Variants in LINGO2 observed in about 807,000 individuals in gnomAD.
LINGO2 encodes leucine rich repeat and Ig domain containing 2, also known as leucine-rich repeat and immunoglobulin-like domain-containing nogo receptor-interacting protein 2.
In LINGO2, 14 loss-of-function variants were observed where a neutral mutation model predicts 30.6. That is an observed-to-expected ratio of 0.46 (90% CI 0.30 to 0.72). The LOEUF is 0.72. LINGO2 is among the 30% of genes least tolerant of loss of function. The probability of loss-of-function intolerance (pLI) is 0.07; values close to 1 mark genes in which losing one functional copy is unlikely to be tolerated. For missense variants in LINGO2, 729 were observed against 751.7 expected (o/e 0.97, Z 0.35); for synonymous variants, 317 against 288.5 (o/e 1.10, Z -1.00).
the LINGO2 span, chr9:27,941,757 G>A: frequency 2.0e-5 from 3 of 152,110 alleles, no homozygotes; most frequent in Non-Finnish European, 2.9e-5. Context: ...CCCAAGAGGA[G>A]TTTAAAAATT....
chr9:27,949,748 C>A (rs145609921), exon 6 of LINGO2: 1 of 1,614,036 alleles, frequency 6.2e-7, no homozygotes, highest in Non-Finnish European at 8.5e-7. Context: ...TGGTGCGAAG[C>A]TGGGCCCCCA....
the LINGO2 span, among the ~76,000 whole-genome samples, chr9:28,972,879 G>A: frequency 6.6e-6 from 1 of 152,122 alleles, no homozygotes; most frequent in African/African-American, 2.4e-5. Context: ...GGAAAAACCT[G>A]CCCCTGTGAT....
chr9:28,136,333 A>C (rs1827516443), intron 4 of LINGO2, among the ~76,000 whole-genome samples: 1 of 152,222 alleles, frequency 6.6e-6, no homozygotes, highest in African/African-American at 2.4e-5. Flanking sequence ...TGCAGCTCTC[A>C]GCAGCTCTAC....
At chr9:28,642,069 G>A (rs544972195) in intron 1 of LINGO2, among the ~76,000 whole-genome samples, 1 of 150,794 alleles carries the variant, frequency 6.6e-6, no homozygotes, top group African/African-American at 2.4e-5. Flanking sequence ...ATATATGTGT[G>A]TGTGTGTGTG....
the LINGO2 span, among the ~76,000 whole-genome samples, chr9:28,932,338 A>G: frequency 6.6e-6 from 1 of 151,860 alleles, no homozygotes; most frequent in African/African-American, 2.4e-5. Context: ...ACCTTCCTTT[A>G]TAATAACTGG....
intron 1 of LINGO2, among the ~76,000 whole-genome samples, chr9:28,565,643 C>CT (rs201917092): frequency 0.048 from 7,247 of 151,754 alleles, 203 homozygotes; most frequent in African/African-American, 0.076. Context: ...GCTCTGCCTT[C>CT]CGGGTTCATG....
At chr9:29,058,263 A>C in the LINGO2 span, among the ~76,000 whole-genome samples, 1 of 152,124 alleles carries the variant, frequency 6.6e-6, no homozygotes, top group South Asian at 2.1e-4. Context: ...GAAAAATGTA[A>C]AAAATTGAAT....
the LINGO2 span, among the ~76,000 whole-genome samples, chr9:28,987,191 G>C: frequency 6.6e-6 from 1 of 150,942 alleles, no homozygotes; most frequent in East Asian, 1.9e-4. Context: ...TTCTGTGATG[G>C]GAGACTTTGT....
chr9:28,877,553 G>C, the LINGO2 span, among the ~76,000 whole-genome samples: 1 of 151,946 alleles, frequency 6.6e-6, no homozygotes, highest in Non-Finnish European at 1.5e-5. Context: ...TCAAAGATCA[G>C]ATAGTTGTAG....
the LINGO2 span, among the ~76,000 whole-genome samples, chr9:29,079,175 G>A: frequency 2.0e-5 from 3 of 151,814 alleles, no homozygotes; most frequent in Admixed American, 6.6e-5. Flanking sequence ...GATGTGCTCT[G>A]TGGATGAGCT....
intron 4 of LINGO2, among the ~76,000 whole-genome samples, chr9:28,240,238 A>G (rs1002593325): frequency 1.3e-5 from 2 of 152,284 alleles, no homozygotes; most frequent in African/African-American, 4.8e-5. Context: ...AATCCCTATA[A>G]AAATACCAAT....
intron 4 of LINGO2, among the ~76,000 whole-genome samples, chr9:28,243,169 C>A (rs538734817): frequency 2.0e-5 from 3 of 151,980 alleles, no homozygotes; most frequent in Non-Finnish European, 4.4e-5. Flanking sequence ...TTAAAAGACA[C>A]GGACTAGGCT....
At chr9:28,899,693 C>T in the LINGO2 span, among the ~76,000 whole-genome samples, 3 of 152,196 alleles carry the variant, frequency 2.0e-5, no homozygotes, top group Non-Finnish European at 4.4e-5. Context: ...TAGATCAGCC[C>T]AGAGCCAGTC....
At chr9:28,365,765 CTTTTT>C (rs34259621) in intron 3 of LINGO2, among the ~76,000 whole-genome samples, 25 of 133,062 alleles carry the variant, frequency 1.9e-4, no homozygotes, top group African/African-American at 4.6e-4. Flanking sequence ...TTTGGATCCT[CTTTTT>C]TTTTTTTTTT....
chr9:28,000,592 T>A (rs764899102), intron 5 of LINGO2, among the ~76,000 whole-genome samples: 4 of 152,194 alleles, frequency 2.6e-5, no homozygotes, highest in Non-Finnish European at 5.9e-5. Context: ...AATCTCTGCA[T>A]TCCTGACACC....
intron 5 of LINGO2, among the ~76,000 whole-genome samples, chr9:27,966,205 G>A (rs1587559644): frequency 1.3e-5 from 2 of 151,992 alleles, no homozygotes; most frequent in African/African-American, 4.8e-5. Flanking sequence ...GGAGGCAATG[G>A]ATTAATCTAT....
At chr9:28,590,691 C>T (rs1030845589) in intron 1 of LINGO2, among the ~76,000 whole-genome samples, 2 of 152,086 alleles carry the variant, frequency 1.3e-5, no homozygotes, top group African/African-American at 2.4e-5. Context: ...GAAATAGGAA[C>T]ACTTTTACAC....
intron 1 of LINGO2, among the ~76,000 whole-genome samples, chr9:28,596,879 C>T (rs1403544166): frequency 1.3e-5 from 2 of 152,138 alleles, no homozygotes; most frequent in Non-Finnish European, 2.9e-5. Flanking sequence ...CTGAGCATGC[C>T]TGTCTTATCC....
At chr9:28,609,534 GAAA>G (rs970467602) in intron 1 of LINGO2, among the ~76,000 whole-genome samples, 2 of 151,486 alleles carry the variant, frequency 1.3e-5, no homozygotes, top group African/African-American at 4.8e-5. Flanking sequence ...TTTTAAATCA[GAAA>G]AAAATAACAA....
Sources: allele counts gnomAD v4.1 joint callset (sites outside exome capture counted in the v4.1 genomes callset), GRCh38; gene constraint gnomAD v4.1.1; transcripts MANE v1.5; gene names NCBI Gene and HGNC (gene_info 2026-07-23, HGNC 2026-07-21).